PUM2: variants seen among roughly 807,000 people sequenced by gnomAD.
The protein encoded by PUM2 is pumilio RNA binding family member 2.
PUM2 carries 57 observed loss-of-function variants against 124.5 expected under a neutral mutation model. That is an observed-to-expected ratio of 0.46 (90% CI 0.37 to 0.57). The LOEUF (loss-of-function observed/expected upper bound fraction) is 0.57. Among genes scored for constraint, PUM2 ranks in the 20% least tolerant of loss-of-function variants. PUM2 has a pLI of 0.00. For missense variants in PUM2, 1,065 were observed against 1,290.6 expected, an observed-to-expected ratio of 0.83 and a Z score of 2.68; for synonymous variants, 460 against 446.1, an observed-to-expected ratio of 1.03 and a Z score of -0.39.
intron 2 of PUM2, among the ~76,000 whole-genome samples, chr2:20,320,909 AAAG>A (rs1249365687): frequency 2.6e-5 from 4 of 152,242 alleles, no homozygotes; most frequent in Non-Finnish European, 4.4e-5. Flanking sequence ...ATAATTCCTT[AAAG>A]AATAAAGCAA....
chr2:20,331,029 G>A (rs1284964612), intron 1 of PUM2, among the ~76,000 whole-genome samples: 1 of 151,932 alleles, frequency 6.6e-6, no homozygotes, highest in Non-Finnish European at 1.5e-5. Flanking sequence ...AGGATAAACT[G>A]TATTTATATC....
At chr2:20,343,381 T>C (rs1478550706) in intron 1 of PUM2, among the ~76,000 whole-genome samples, 1 of 151,930 alleles carries the variant, frequency 6.6e-6, no homozygotes, top group African/African-American at 2.4e-5. Flanking sequence ...GTGACACCAC[T>C]GCACTCCAGC....
Position 20,251,018 on chromosome 2 carries a change from G to A in PUM2, c.*567C>T, listed in dbSNP as rs902118765. The A allele has an allele frequency of 3.3e-5, 5 of 152,348 alleles. No homozygotes were observed. The highest frequency in any genetic ancestry group is 3.3e-4 in the Admixed American group (5 of 15,250). 9.4% of individuals were successfully genotyped at this position (152,348 alleles called of 1,614,324 possible). ...CCACTTTATTCTTGTCTACTTACTC[G>A]TTATTTGCATGATAGTTTGTGAATT... On this transcript the variant is annotated 3_prime_UTR_variant, in exon 21 of 21. Transcript: ENST00000361078.
chr2:20,344,998 A>AAG (rs1553412114), intron 1 of PUM2, among the ~76,000 whole-genome samples: 8 of 150,288 alleles, frequency 5.3e-5, no homozygotes, highest in Non-Finnish European at 1.2e-4. Flanking sequence ...AAAAAAAAAA[A>AAG]AAAAAAGAAA....
chr2:20,338,256 G>A (rs1375695410), intron 1 of PUM2, among the ~76,000 whole-genome samples: 1 of 152,142 alleles, frequency 6.6e-6, no homozygotes, highest in Admixed American at 6.5e-5. Context: ...AATTAGCCGG[G>A]TATGGCAGCG....
intron 1 of PUM2, among the ~76,000 whole-genome samples, chr2:20,332,282 A>AGAGTGTGT (rs1346037244): frequency 1.1e-4 from 16 of 145,372 alleles, no homozygotes; most frequent in African/African-American, 4.1e-4. Context: ...ATACTACTAG[A>AGAGTGTGT]GTGTGTGTGT....
rs761645735 is a variant in PUM2 at position 20,332,279 on chromosome 2, T to TAG, written c.-18-4903_-18-4902dup. 9.3e-3 allele frequency among the ~76,000 whole-genome samples: 1,167 copies of TAG among 125,816 alleles called. 11 individuals are homozygous for TAG. Among genetic ancestry groups the TAG allele is most frequent in the Middle Eastern group, 0.016 (4 of 258 alleles). 82.5% of individuals were successfully genotyped at this position (125,816 alleles called of 152,430 possible). On this transcript the variant is annotated intron_variant, in intron 1 of 20. Coordinates refer to ENST00000361078, the MANE Select transcript of PUM2 (RefSeq NM_015317.5). ...CTTTCAACTTTTTCACTTATACTAC[T>TAG]AGAGTGTGTGTGTGTGTGTGTGTGT... is the stretch of plus-strand genomic sequence containing the variant.
At chr2:20,331,612 A>C (rs940365014) in intron 1 of PUM2, 13 of 139,232 alleles carry the variant, frequency 9.3e-5, no homozygotes, top group African/African-American at 3.3e-4. Flanking sequence ...CAGTATCGAA[A>C]GCAGAAAAAA....
At chr2:20,313,753 T>C (rs1158530468) in intron 3 of PUM2, among the ~76,000 whole-genome samples, 1 of 147,488 alleles carries the variant, frequency 6.8e-6, no homozygotes, top group East Asian at 2.0e-4. Context: ...GGAAGATTAC[T>C]TGAACTCAGG....
chr2:20,339,499 T>C (rs1374339304), intron 1 of PUM2, among the ~76,000 whole-genome samples: 5 of 152,246 alleles, frequency 3.3e-5, no homozygotes, highest in Non-Finnish European at 7.3e-5. Context: ...TAAATATCTT[T>C]AGCCTTACTT....
chr2:20,262,523 A>G (rs1426251265), intron 14 of PUM2, among the ~76,000 whole-genome samples: 1 of 152,208 alleles, frequency 6.6e-6, no homozygotes. Context: ...TCACACAACA[A>G]CGTATTTTCT....
chr2:20,337,988 C>T (rs532177674), intron 1 of PUM2, among the ~76,000 whole-genome samples: 5 of 152,212 alleles, frequency 3.3e-5, no homozygotes, highest in South Asian at 4.1e-4. Flanking sequence ...ATTTCCCTAC[C>T]CTAATATACA....
At chr2:20,316,589 A>G (rs1169527519) in intron 3 of PUM2, among the ~76,000 whole-genome samples, 1 of 152,236 alleles carries the variant, frequency 6.6e-6, no homozygotes, top group Non-Finnish European at 1.5e-5. Flanking sequence ...AAATATAATC[A>G]GTAAAATGAT....
At chr2:20,284,886 A>C (rs1299277917) in intron 10 of PUM2, among the ~76,000 whole-genome samples, 1 of 152,244 alleles carries the variant, frequency 6.6e-6, no homozygotes, top group African/African-American at 2.4e-5. Context: ...TCTGATCAAG[A>C]ATAAGCATTA....
chr2:20,335,885 G>C (rs769206589), intron 1 of PUM2, among the ~76,000 whole-genome samples: 2 of 152,142 alleles, frequency 1.3e-5, no homozygotes, highest in Non-Finnish European at 2.9e-5. Context: ...TAAGATTTTT[G>C]TTCCATTAAA....
rs181985297 is a variant in PUM2 at position 20,339,013 on chromosome 2, T to C, written c.-19+11584A>G. Among the ~76,000 whole-genome samples the C allele has an allele frequency of 8.5e-5, 13 of 152,314 alleles. No homozygotes were observed. The East Asian group carries it at 2.3e-3, about 27-fold the overall frequency. On this transcript the variant is annotated intron_variant, in intron 1 of 20. Transcript: ENST00000361078. ...CACACTTACATAGTTCTTATAGTCA[T>C]GTTAACTTGGAAATCAATGGCTTTA...
intron 13 of PUM2, among the ~76,000 whole-genome samples, chr2:20,276,284 CA>C (rs1209435194): frequency 1.4e-5 from 2 of 145,722 alleles, no homozygotes; most frequent in African/African-American, 2.6e-5. Context: ...TGAAAGACAG[CA>C]CAGACTGTTG....
intron 8 of PUM2, among the ~76,000 whole-genome samples, chr2:20,296,233 C>T (rs943227803): frequency 5.9e-5 from 9 of 152,174 alleles, no homozygotes; most frequent in Admixed American, 1.3e-4. Context: ...CGGTGGCTCA[C>T]GCCTGTAATC....
At chr2:20,261,634 A>T (rs931066332) in intron 14 of PUM2, among the ~76,000 whole-genome samples, 1 of 152,074 alleles carries the variant, frequency 6.6e-6, no homozygotes, top group Non-Finnish European at 1.5e-5. Context: ...TGTTGCTGCT[A>T]AAGATCTCCT....
Sources: gnomAD v4.1 joint callset for allele counts (sites outside exome capture counted in the v4.1 genomes callset) on GRCh38, gnomAD v4.1.1 for gene constraint, MANE v1.5 for transcripts, NCBI Gene and HGNC (gene_info 2026-07-23, HGNC 2026-07-21) for gene names.